Variants in GALNT2 observed in about 807,000 individuals in gnomAD.
GALNT2 encodes UDP-GalNAc:polypeptide N-acetylgalactosaminyltransferase 2.
A neutral mutation model predicts 81.4 loss-of-function variants in GALNT2; 31 were observed. The observed-to-expected ratio is 0.38, with a 90% CI of 0.29 to 0.51. GALNT2 has a LOEUF of 0.51. GALNT2 is among the 20% of genes least tolerant of loss of function. GALNT2 has a pLI of 0.87. For missense variants in GALNT2, 629 were observed against 765.7 expected (o/e 0.82, Z 2.11); for synonymous variants, 303 against 287.4 (o/e 1.05, Z -0.55).
exon 1 of GALNT2, chr1:230,058,058 G>T (rs1000344567): frequency 2.2e-6 from 1 of 456,270 alleles, no homozygotes; most frequent in Non-Finnish European, 4.4e-6. Context: ...CAAGGTGCCC[G>T]TAGCCCCTAT....
At chr1:230,147,224 C>T (rs1194241031) in intron 1 of GALNT2, among the ~76,000 whole-genome samples, 2 of 152,214 alleles carry the variant, frequency 1.3e-5, no homozygotes, top group African/African-American at 4.8e-5. Flanking sequence ...GAGGAATTAC[C>T]TTTGTGTTCC....
chr1:230,134,344 T>C (rs367959327), intron 1 of GALNT2, among the ~76,000 whole-genome samples: 1 of 152,068 alleles, frequency 6.6e-6, no homozygotes, highest in Admixed American at 6.5e-5. Flanking sequence ...CCTGACCTCA[T>C]GATCCGCCCG....
At chr1:230,061,524 T>C (rs1642603060) in intron 1 of GALNT2, among the ~76,000 whole-genome samples, 2 of 152,276 alleles carry the variant, frequency 1.3e-5, no homozygotes, top group African/African-American at 2.4e-5. Context: ...TTAAGCTTTA[T>C]ATTATTCATT....
chr1:230,180,030 C>A (rs1663107846), intron 2 of GALNT2, among the ~76,000 whole-genome samples: 1 of 152,182 alleles, frequency 6.6e-6, no homozygotes, highest in East Asian at 1.9e-4. Context: ...AGCGATTCTC[C>A]TGTTTAAGCC....
intron 2 of GALNT2, among the ~76,000 whole-genome samples, chr1:230,190,275 C>T (rs1663477638): frequency 6.6e-6 from 1 of 152,248 alleles, no homozygotes; most frequent in African/African-American, 2.4e-5. Context: ...GCGTGTTCCT[C>T]CATACTTGCC....
chr1:230,222,429 A>G (rs1320029251), intron 3 of GALNT2, among the ~76,000 whole-genome samples: 1 of 152,154 alleles, frequency 6.6e-6, no homozygotes, highest in Non-Finnish European at 1.5e-5. Context: ...GAGTCTCATA[A>G]TACGAAATAT....
chr1:230,253,854 G>A (rs927470554), intron 10 of GALNT2, among the ~76,000 whole-genome samples: 8 of 151,844 alleles, frequency 5.3e-5, no homozygotes, highest in Admixed American at 1.3e-4. Context: ...ACTATCCTCC[G>A]TTATACTTTT....
intron 3 of GALNT2, among the ~76,000 whole-genome samples, chr1:230,224,742 T>C (rs1172894765): frequency 1.3e-5 from 2 of 152,208 alleles, no homozygotes; most frequent in Non-Finnish European, 2.9e-5. Flanking sequence ...CCTGAGTGTG[T>C]GTGCATGTTT....
chr1:230,267,570 G>A (rs1666068807), intron 14 of GALNT2, among the ~76,000 whole-genome samples: 2 of 152,252 alleles, frequency 1.3e-5, no homozygotes. Context: ...ACACAAGCCA[G>A]CCTTCAGCTA....
intron 1 of GALNT2, among the ~76,000 whole-genome samples, chr1:230,172,913 G>A (rs1662841071): frequency 6.6e-6 from 1 of 152,190 alleles, no homozygotes; most frequent in African/African-American, 2.4e-5. Context: ...ATGAATTTGA[G>A]CTGCTGTGCT....
At chr1:230,072,084 T>C (rs767126144) in intron 1 of GALNT2, among the ~76,000 whole-genome samples, 22 of 152,068 alleles carry the variant, frequency 1.4e-4, no homozygotes, top group Non-Finnish European at 2.6e-4. Flanking sequence ...TTCCCCACCC[T>C]AGCTCCTGTT....
intron 6 of GALNT2, among the ~76,000 whole-genome samples, chr1:230,240,604 C>G (rs1028135531): frequency 6.6e-6 from 1 of 151,656 alleles, no homozygotes; most frequent in Non-Finnish European, 1.5e-5. Context: ...AAAATTCATA[C>G]TGTTGTTCCT....
At chr1:230,116,097 T>C (rs1660837778) in intron 1 of GALNT2, among the ~76,000 whole-genome samples, 1 of 152,268 alleles carries the variant, frequency 6.6e-6, no homozygotes, top group African/African-American at 2.4e-5. Flanking sequence ...TGTTGATATT[T>C]TGATCTTTTC....
At chr1:230,261,137 A>C (rs967210944) in intron 11 of GALNT2, among the ~76,000 whole-genome samples, 4 of 146,540 alleles carry the variant, frequency 2.7e-5, no homozygotes, top group Non-Finnish European at 6.0e-5. Context: ...ATATTTTCAC[A>C]TGTATATTTC....
intron 2 of GALNT2, among the ~76,000 whole-genome samples, chr1:230,190,761 G>T (rs1358797953): frequency 5.9e-5 from 9 of 152,012 alleles, no homozygotes; most frequent in Admixed American, 5.9e-4. Context: ...GCGATATATC[G>T]GGAACTCCTT....
intron 1 of GALNT2, among the ~76,000 whole-genome samples, chr1:230,078,263 A>G (rs1226615272): frequency 1.3e-5 from 2 of 152,214 alleles, no homozygotes; most frequent in African/African-American, 2.4e-5. Context: ...AACTGTGGAT[A>G]CAATGTGTCG....
intron 1 of GALNT2, among the ~76,000 whole-genome samples, chr1:230,094,892 G>A (rs1660205955): frequency 6.6e-6 from 1 of 152,118 alleles, no homozygotes. Context: ...AGCGGATTCC[G>A]ATACCTCGCC....
chr1:230,061,192 A>ATGTGTG (rs58105454), intron 1 of GALNT2, among the ~76,000 whole-genome samples: 4,553 of 148,922 alleles, frequency 0.031, 206 homozygotes, highest in African/African-American at 0.11. Context: ...ATGAGCATAG[A>ATGTGTG]TGTGTGTGTG....
upstream of GALNT2, among the ~76,000 whole-genome samples, chr1:230,065,228 T>C (rs1445909877): frequency 6.6e-6 from 1 of 152,248 alleles, no homozygotes; most frequent in Admixed American, 6.5e-5. Context: ...GATTGTTTTC[T>C]TGCCATTCTT....
Sources: allele counts gnomAD v4.1 joint callset (sites outside exome capture counted in the v4.1 genomes callset), GRCh38; gene constraint gnomAD v4.1.1; transcripts MANE v1.5; gene names NCBI Gene and HGNC (gene_info 2026-07-23, HGNC 2026-07-21).